The following SYTL2 variants were observed in gnomAD, a reference collection of about 807,000 sequenced individuals.
The protein encoded by SYTL2 is synaptotagmin-like protein 2.
In SYTL2, 165 loss-of-function variants were observed where a neutral mutation model predicts 198.7. That is an observed-to-expected ratio of 0.83 (90% CI 0.73 to 0.94). The LOEUF is 0.94. Among genes scored for constraint, SYTL2 ranks in the 40% least tolerant of loss-of-function variants. The probability of loss-of-function intolerance (pLI) is 0.00; values close to 1 mark genes in which losing one functional copy is unlikely to be tolerated. For synonymous variants in SYTL2, 966 were observed against 917.7 expected, an observed-to-expected ratio of 1.05 and a Z score of -0.95; for missense variants, 2,835 against 2,582.8, an observed-to-expected ratio of 1.10 and a Z score of -2.12.
Position 85,726,850 on chromosome 11 carries a change from T to C in SYTL2, c.2508A>G (p.Val836=). The stretch of plus-strand genomic sequence containing the variant: ...CTGTAGATAAACTGTCCATGGATGA[T>C]ACACCCTGTGACTTCTTCACAGGCT... ...AYQPVKKSQG[V]SSMDSLSTDQ... The change falls in exon 8 of 20, where the codon GTA becomes GTG. Residue 836 remains valine (V), a synonymous_variant. Transcript: ENST00000359152. 2.6e-6 allele frequency: 4 copies of C among 1,536,590 alleles called. No individual in the cohort carries two copies. The highest frequency in any genetic ancestry group is 3.5e-6 in the Non-Finnish European group (4 of 1,146,988).
upstream of SYTL2, among the ~76,000 whole-genome samples, chr11:85,812,383 G>A (rs1008419082): frequency 6.6e-6 from 1 of 152,224 alleles, no homozygotes; most frequent in Non-Finnish European, 1.5e-5. Context: ...AAGAGTCCTG[G>A]CACTGTGCAG....
At chr11:85,818,692 C>T in the SYTL2 span, among the ~76,000 whole-genome samples, 35 of 56,214 alleles carry the variant, frequency 6.2e-4, no homozygotes, top group South Asian at 6.0e-4. Context: ...TATCTATCTA[C>T]CTATCTATTT....
chr11:85,833,047 G>T, the SYTL2 span, among the ~76,000 whole-genome samples: 1 of 26,196 alleles, frequency 3.8e-5, no homozygotes, highest in African/African-American at 1.6e-4. Context: ...AAGAAAGAAA[G>T]AAAGAAAGAA....
At chr11:85,739,195 G>A (rs994606462) in intron 4 of SYTL2, among the ~76,000 whole-genome samples, 2 of 150,498 alleles carry the variant, frequency 1.3e-5, no homozygotes, top group African/African-American at 2.4e-5. Flanking sequence ...CTAAATAAAC[G>A]AAGGCCAATT....
At chr11:85,789,344 A>G (rs1012439261) in intron 1 of SYTL2, among the ~76,000 whole-genome samples, 2,213 of 17,764 alleles carry the variant, frequency 0.12, 24 homozygotes, top group East Asian at 0.16. Flanking sequence ...GTGTGTGTAT[A>G]TATATATATA....
chr11:85,705,587 T>G (rs1156253819), intron 15 of SYTL2, among the ~76,000 whole-genome samples: 1 of 152,226 alleles, frequency 6.6e-6, no homozygotes, highest in Non-Finnish European at 1.5e-5. Context: ...CTTTTCCTGC[T>G]GCATATGGCC....
intron 1 of SYTL2, among the ~76,000 whole-genome samples, chr11:85,779,787 A>G (rs945129441): frequency 1.3e-5 from 2 of 152,216 alleles, no homozygotes; most frequent in Non-Finnish European, 2.9e-5. Flanking sequence ...ATCAGTAAAT[A>G]CTTCCTAAGG....
chr11:85,742,071 C>T (rs2090833432), intron 4 of SYTL2, among the ~76,000 whole-genome samples: 1 of 152,138 alleles, frequency 6.6e-6, no homozygotes, highest in Admixed American at 6.5e-5. Flanking sequence ...TCCCTGAACT[C>T]ATTTGGGAGA....
rs1217747318 is a variant in SYTL2 at position 85,733,975 on chromosome 11, T to C, written c.1354A>G (p.Thr452Ala). The C allele has an allele frequency of 1.9e-6, 3 of 1,614,154 alleles. No homozygotes were observed. In the East Asian group the frequency reaches 6.7e-5, roughly 36 times the overall value. ...NEPKDKSSEL[T>A]RLESVLPRSP... ...CTGGGTAATACAGATTCAAGCCTTG[T>C]TAATTCTGATGATTTATCTTTGGGT... The change falls in exon 7 of 20, where the codon ACA becomes GCA. Residue 452 changes from threonine (T) to alanine (A), a missense_variant. Physicochemically the swap from Thr to Ala is moderately conservative, Grantham distance 58 (BLOSUM62 0). Around this residue, in one of 3 missense-constraint regions of SYTL2, gnomAD observed 2,645 missense variants for 2,381.7 expected, o/e 1.11. Transcript: ENST00000359152.
Position 85,724,285 on chromosome 11 carries a change from AACCCC to A in SYTL2, c.5068_5072del (p.Gly1690CysfsTer17). The stretch of plus-strand genomic sequence containing the variant: ...CCTGAAGAGTCCCTTGTCCCCCTGC[AACCCC>A]ACTTTCACTGTCCCTGTCCTCTGGG... On this transcript the variant is annotated frameshift_variant, in exon 8 of 20. Coordinates refer to ENST00000359152, the MANE Select transcript of SYTL2 (RefSeq NM_206927.4). LOFTEE classifies it high-confidence loss of function. 1 of 1,563,258 alleles carries A rather than the reference AACCCC, an allele frequency of 6.4e-7. No individual in the cohort carries two copies. The highest frequency in any genetic ancestry group is 8.6e-7 in the Non-Finnish European group (1 of 1,160,380).
chr11:85,718,862 CAA>C lies in SYTL2; in HGVS notation c.5429-21_5429-20del, dbSNP rs2087802694. Reference sequence around the variant, plus strand: ...GCTTGATCTGTTCAGAAGAAATTAACAAATGGTTAACATGGCTGACCCTTGGA... The same window carrying C: ...GCTTGATCTGTTCAGAAGAAATTAACATGGTTAACATGGCTGACCCTTGGA... On this transcript the variant is annotated intron_variant, in intron 9 of 19. Coordinates refer to ENST00000359152, the MANE Select transcript of SYTL2 (RefSeq NM_206927.4). 1 of 1,612,626 alleles carries C rather than the reference CAA, an allele frequency of 6.2e-7. No homozygotes were observed. Among genetic ancestry groups the C allele is most frequent in the Non-Finnish European group, 8.5e-7 (1 of 1,179,280 alleles).
intron 17 of SYTL2, among the ~76,000 whole-genome samples, chr11:85,698,507 T>C (rs2083748839): frequency 6.6e-6 from 1 of 152,178 alleles, no homozygotes; most frequent in Non-Finnish European, 1.5e-5. Context: ...CCAAAACAGG[T>C]ATTGGCTAAG....
intron 10 of SYTL2, chr11:85,718,587 C>T: frequency 1.7e-6 from 1 of 585,092 alleles, no homozygotes; most frequent in Admixed American, 3.1e-5. Flanking sequence ...ATCCTCATGA[C>T]AGTATCACCA....
intron 15 of SYTL2, among the ~76,000 whole-genome samples, chr11:85,706,250 A>T (rs2085123101): frequency 6.6e-6 from 1 of 152,244 alleles, no homozygotes; most frequent in South Asian, 2.1e-4. Flanking sequence ...GTAGGTAAGT[A>T]CTATTATTAT....
chr11:85,808,710 T>C (rs1000051038), intron 1 of SYTL2, among the ~76,000 whole-genome samples: 3 of 152,176 alleles, frequency 2.0e-5, no homozygotes, highest in African/African-American at 7.2e-5. Flanking sequence ...CCATATATTA[T>C]GAAATCAAAT....
intron 1 of SYTL2, among the ~76,000 whole-genome samples, chr11:85,789,342 A>G (rs10898404): frequency 0.2 from 3,993 of 20,128 alleles, 138 homozygotes; most frequent in African/African-American, 0.24. Flanking sequence ...GTGTGTGTGT[A>G]TATATATATA....
At chr11:85,828,656 C>T in the SYTL2 span, among the ~76,000 whole-genome samples, 2 of 152,194 alleles carry the variant, frequency 1.3e-5, no homozygotes, top group African/African-American at 4.8e-5. Flanking sequence ...AATTTATAAA[C>T]TATAATCACA....
the SYTL2 span, among the ~76,000 whole-genome samples, chr11:85,820,735 G>A: frequency 6.6e-6 from 1 of 152,314 alleles, no homozygotes; most frequent in East Asian, 1.9e-4. Flanking sequence ...CTATTCCTCA[G>A]CACTGGGAAA....
chr11:85,745,034 G>C (rs2091055258), intron 4 of SYTL2, among the ~76,000 whole-genome samples: 1 of 152,090 alleles, frequency 6.6e-6, no homozygotes, highest in Non-Finnish European at 1.5e-5. Flanking sequence ...ATCCTTAAGA[G>C]GCATTTACTG....
Sources: gnomAD v4.1 joint callset for allele counts (sites outside exome capture counted in the v4.1 genomes callset) on GRCh38, gnomAD v4.1.1 for gene constraint, gnomAD v4.1.1 regional missense constraint, MANE v1.5 for transcripts, NCBI Gene and HGNC (gene_info 2026-07-23, HGNC 2026-07-21) for gene names.